ST6GALNAC5: variants seen among roughly 807,000 people sequenced by gnomAD.
ST6GALNAC5 encodes alpha-N-acetylgalactosaminide alpha-2,6-sialyltransferase 5.
Under a neutral mutation model 33.6 loss-of-function variants are expected in ST6GALNAC5, and 27 were observed. That is an observed-to-expected ratio of 0.80 (90% CI 0.59 to 1.11). The LOEUF (loss-of-function observed/expected upper bound fraction) is 1.11, where lower values mean the gene tolerates loss of function less well. Among genes scored for constraint, ST6GALNAC5 ranks in the 50% least tolerant of loss-of-function variants. The pLI is 0.00. For synonymous variants in ST6GALNAC5, 194 were observed against 171.2 expected, an observed-to-expected ratio of 1.13 and a Z score of -1.04; for missense variants, 428 against 454.0, an observed-to-expected ratio of 0.94 and a Z score of 0.52.
intron 2 of ST6GALNAC5, among the ~76,000 whole-genome samples, chr1:76,915,852 A>T (rs928528026): frequency 2.7e-5 from 4 of 150,396 alleles, no homozygotes; most frequent in Non-Finnish European, 4.4e-5. Flanking sequence ...ATAATAATAA[A>T]TTAAAAAAAG....
Position 77,064,734 on chromosome 1 carries a change from TAGAA to T in ST6GALNAC5, c.*1529_*1532del, listed in dbSNP as rs1652717709. Reference sequence around the variant, plus strand: ...ACTAGTGTTTTCTTTACACATGACTTAGAAGGCATTAGTTTCTCTAATGCCAAAT... The same window carrying T: ...ACTAGTGTTTTCTTTACACATGACTTGGCATTAGTTTCTCTAATGCCAAAT... On this transcript the variant is annotated 3_prime_UTR_variant, in exon 5 of 5. Coordinates refer to ENST00000477717, the MANE Select transcript of ST6GALNAC5 (RefSeq NM_030965.3). 1 of 152,178 alleles carries T rather than the reference TAGAA, an allele frequency of 6.6e-6. No homozygotes were observed. Among genetic ancestry groups the T allele is most frequent in the South Asian group, 2.1e-4 (1 of 4,824 alleles). The allele number at this position is 152,178 out of a possible 1,614,324, so 9.4% of individuals were successfully genotyped here. A position where few individuals can be genotyped will look rare whatever the true frequency, so the allele number is the denominator to read the frequency against.
rs190006899 is a variant in ST6GALNAC5, at chr1:76,868,491, C to T, written c.16-6C>T. ...CTCTCCTCTTCTCTCTCCCGCCCGC[C>T]CGCAGCGCCATGGTCTGGCAGTGTG... is the stretch of plus-strand genomic sequence containing the variant. On this transcript the variant is annotated splice_polypyrimidine_tract_variant and splice_region_variant and intron_variant, in intron 1 of 4. Coordinates refer to ENST00000477717, the MANE Select transcript of ST6GALNAC5 (RefSeq NM_030965.3). This position sits in a 1 kb window ranked among gnomAD's most constrained non-coding sequence, Gnocchi z 4.3. 1,124 of 1,599,818 alleles carry T rather than the reference C, an allele frequency of 7.0e-4. 3 individuals are homozygous for T. In the East Asian group the frequency reaches 0.013, roughly 18 times the overall value.
intron 2 of ST6GALNAC5, among the ~76,000 whole-genome samples, chr1:76,884,356 T>C (rs574623662): frequency 6.6e-6 from 1 of 152,270 alleles, no homozygotes; most frequent in South Asian, 2.1e-4. Context: ...ACATACTGAC[T>C]TGAGCAAAAC....
intron 2 of ST6GALNAC5, among the ~76,000 whole-genome samples, chr1:76,967,675 T>A (rs1294866273): frequency 2.0e-5 from 3 of 152,244 alleles, no homozygotes; most frequent in African/African-American, 7.2e-5. Context: ...ATTTTGATGT[T>A]AGGGTGTCAA....
At chr1:76,869,170 CG>C (rs975523321) in intron 2 of ST6GALNAC5, 7 of 185,878 alleles carry the variant, frequency 3.8e-5, no homozygotes, top group African/African-American at 1.4e-4. Flanking sequence ...GCAGCCAGCC[CG>C]CGGCCACTGC....
chr1:76,910,075 G>T (rs575895585), intron 2 of ST6GALNAC5, among the ~76,000 whole-genome samples: 1 of 152,098 alleles, frequency 6.6e-6, no homozygotes, highest in East Asian at 1.9e-4. Flanking sequence ...TAAGCCTTAA[G>T]CCTCAGGTCT....
intron 2 of ST6GALNAC5, among the ~76,000 whole-genome samples, chr1:76,951,118 G>C (rs374904058): frequency 1.3e-5 from 2 of 152,042 alleles, no homozygotes; most frequent in African/African-American, 4.8e-5. Flanking sequence ...AAGTCAACAG[G>C]GTTTACAGTT....
chr1:77,058,240 G>A (rs773270803), intron 4 of ST6GALNAC5, among the ~76,000 whole-genome samples: 44 of 152,336 alleles, frequency 2.9e-4, no homozygotes, highest in Non-Finnish European at 5.1e-4. Flanking sequence ...GAGTTTCCTC[G>A]TCTGCAGAGT....
At chr1:77,032,789 T>C (rs897563713) in intron 2 of ST6GALNAC5, among the ~76,000 whole-genome samples, 1 of 152,176 alleles carries the variant, frequency 6.6e-6, no homozygotes, top group African/African-American at 2.4e-5. Flanking sequence ...AAACCTCAGA[T>C]TTTTCCCCCA....
intron 4 of ST6GALNAC5, among the ~76,000 whole-genome samples, chr1:77,053,860 C>T (rs1652306985): frequency 6.6e-6 from 1 of 150,598 alleles, no homozygotes; most frequent in African/African-American, 2.4e-5. Context: ...TGCAGGACAT[C>T]TCATGGGCTG....
chr1:77,058,857 A>T (rs778476866), intron 4 of ST6GALNAC5, among the ~76,000 whole-genome samples: 2 of 152,170 alleles, frequency 1.3e-5, no homozygotes, highest in African/African-American at 2.4e-5. Context: ...TGGGTATCAG[A>T]TGCTCCCTAT....
intron 2 of ST6GALNAC5, among the ~76,000 whole-genome samples, chr1:76,915,510 G>T (rs1222929485): frequency 6.6e-6 from 1 of 152,106 alleles, no homozygotes; most frequent in East Asian, 1.9e-4. Context: ...ATACTACGCA[G>T]CCATAAAAAA....
At chr1:76,994,789 T>G (rs1297117281) in intron 2 of ST6GALNAC5, among the ~76,000 whole-genome samples, 2 of 152,206 alleles carry the variant, frequency 1.3e-5, no homozygotes, top group African/African-American at 4.8e-5. Flanking sequence ...CATTATTTTT[T>G]GCTGTCCTCT....
chr1:77,021,256 C>A (rs1046886865), intron 2 of ST6GALNAC5, among the ~76,000 whole-genome samples: 1 of 152,122 alleles, frequency 6.6e-6, no homozygotes, highest in Non-Finnish European at 1.5e-5. Flanking sequence ...AAACTCACAT[C>A]CTGAGGAATA....
chr1:77,058,660 T>C (rs181921754), intron 4 of ST6GALNAC5, among the ~76,000 whole-genome samples: 2 of 152,324 alleles, frequency 1.3e-5, no homozygotes, highest in Admixed American at 1.3e-4. Flanking sequence ...TTACCCAGAC[T>C]TGGGTATTCT....
intron 2 of ST6GALNAC5, among the ~76,000 whole-genome samples, chr1:76,931,359 A>G (rs1647139130): frequency 6.6e-6 from 1 of 152,122 alleles, no homozygotes; most frequent in South Asian, 2.1e-4. Context: ...CCCACAATAC[A>G]TATGTGTTCT....
At chr1:76,887,329 G>GT (rs1653919602) in intron 2 of ST6GALNAC5, among the ~76,000 whole-genome samples, 1 of 152,120 alleles carries the variant, frequency 6.6e-6, no homozygotes, top group African/African-American at 2.4e-5. Flanking sequence ...ATTTCTGTCA[G>GT]TTTTTTTGCA....
chr1:77,010,894 G>A lies in ST6GALNAC5; in HGVS notation c.262-33310G>A, dbSNP rs1196365379. On this transcript the variant is annotated intron_variant, in intron 2 of 4. Coordinates refer to ENST00000477717, the MANE Select transcript of ST6GALNAC5 (RefSeq NM_030965.3). ...TTCTCCTGAAAATGATATTTGAAAGGAAAGTTGAGCTGCTTCTATCTTCCC... is the reference window on the plus strand; with the variant it reads ...TTCTCCTGAAAATGATATTTGAAAGAAAAGTTGAGCTGCTTCTATCTTCCC... 2.0e-5 allele frequency among the ~76,000 whole-genome samples: 3 copies of A among 152,208 alleles called. No individual in the cohort carries two copies. In the East Asian group the frequency reaches 5.8e-4, roughly 29 times the overall value.
chr1:77,050,593 C>A (rs1652187367), intron 4 of ST6GALNAC5, among the ~76,000 whole-genome samples: 1 of 152,136 alleles, frequency 6.6e-6, no homozygotes, highest in South Asian at 2.1e-4. Flanking sequence ...TTGTGGGCTC[C>A]ATTTATCCTC....
Sources: allele counts gnomAD v4.1 joint callset (sites outside exome capture counted in the v4.1 genomes callset), GRCh38; gene constraint gnomAD v4.1.1; non-coding constraint Gnocchi (gnomAD v3.1); transcripts MANE v1.5; gene names NCBI Gene and HGNC (gene_info 2026-07-23, HGNC 2026-07-21).